The following TENM1 variants were observed in gnomAD, a reference collection of about 807,000 sequenced individuals.
TENM1 encodes the protein teneurin-1.
In TENM1, 35 loss-of-function variants were observed where a neutral mutation model predicts 174.8. That is an observed-to-expected ratio of 0.20 (90% CI 0.15 to 0.27). TENM1 has a LOEUF of 0.27. Ranked by LOEUF, TENM1 falls within the 10% of genes least tolerant of loss-of-function variation. The probability of loss-of-function intolerance (pLI) is 1.00; values close to 1 mark genes in which losing one functional copy is unlikely to be tolerated. For synonymous variants in TENM1, 781 were observed against 798.7 expected (o/e 0.98, Z 0.37); for missense variants, 1,633 against 2,130.1 (o/e 0.77, Z 4.59).
intron 23 of TENM1, among the ~76,000 whole-genome samples, chrX:124,453,064 G>A (rs1430482006): frequency 2.7e-5 from 3 of 111,177 alleles, no homozygotes; most frequent in Non-Finnish European, 5.7e-5. Flanking sequence ...AAATGAGATT[G>A]GCCTTACCCT....
At chrX:124,430,884 C>T (rs2060772094) in intron 23 of TENM1, among the ~76,000 whole-genome samples, 1 of 111,966 alleles carries the variant, frequency 8.9e-6, no homozygotes, top group Non-Finnish European at 1.9e-5. Context: ...TGTAATAGTA[C>T]TCTTGGTACA....
intron 23 of TENM1, among the ~76,000 whole-genome samples, chrX:124,440,439 A>G (rs2060890421): frequency 8.9e-6 from 1 of 111,796 alleles, no homozygotes; most frequent in South Asian, 3.8e-4. Context: ...CACTTAATCA[A>G]CAATTGGGTC....
intron 1 of TENM1, among the ~76,000 whole-genome samples, chrX:124,930,019 A>C (rs2147712125): frequency 9.1e-6 from 1 of 109,978 alleles, no homozygotes; most frequent in South Asian, 4.0e-4. Context: ...TCCCCACTTT[A>C]ATTGCTGTCA....
At chrX:124,919,914 T>C (rs756562194) in intron 1 of TENM1, among the ~76,000 whole-genome samples, 1 of 110,972 alleles carries the variant, frequency 9.0e-6, no homozygotes, top group South Asian at 3.9e-4. Context: ...ATTGTCATTA[T>C]TATTAGGGCT....
intron 3 of TENM1, among the ~76,000 whole-genome samples, chrX:124,759,250 C>T (rs2054345947): frequency 1.8e-5 from 2 of 111,509 alleles, no homozygotes; most frequent in South Asian, 7.6e-4. Flanking sequence ...GTCATCAACA[C>T]AGATTTTGCT....
At chrX:124,487,220 A>G in exon 21 of TENM1, 2 of 1,166,553 alleles carry the variant, frequency 1.7e-6, no homozygotes, top group Non-Finnish European at 2.3e-6. Context: ...TATGTCTGGT[A>G]TCTCTGTTTC....
At chrX:124,906,188 C>T in intron 1 of TENM1, among the ~76,000 whole-genome samples, 1 of 111,924 alleles carries the variant, frequency 8.9e-6, no homozygotes, top group East Asian at 2.8e-4. Flanking sequence ...AACACAGAGG[C>T]TATCTTTATA....
chrX:124,981,712 T>C, the TENM1 span, among the ~76,000 whole-genome samples: 1 of 111,204 alleles, frequency 9.0e-6, no homozygotes, highest in Non-Finnish European at 1.9e-5. Flanking sequence ...CCAGATTATC[T>C]ACTGTGAAGA....
chrX:124,895,629 A>C (rs2147576821), intron 2 of TENM1, among the ~76,000 whole-genome samples: 1 of 112,234 alleles, frequency 8.9e-6, no homozygotes, highest in South Asian at 3.7e-4. Flanking sequence ...ATATAAAGCC[A>C]AAATACATGA....
chrX:124,907,954 AACTAACTTATCTCAGTTATCAGAAAATTC>A (rs779746356), intron 1 of TENM1, among the ~76,000 whole-genome samples: 1 of 111,775 alleles, frequency 8.9e-6, no homozygotes, highest in East Asian at 2.8e-4. Flanking sequence ...GAAGTTGGAA[AACTAACTTATCTCAGTTATCAGAAAATTC>A]ACTTGCAACT....
In TENM1 at chrX:124,827,772, C is replaced by T. The variant is rs141204449; in HGVS notation, c.535+66524G>A. Reference sequence around the variant, plus strand: ...TTCCAAGAAGAGCATAGTTATAATGCCAAGTCAGAGCTTCATAGCTTTACT... The same window carrying T: ...TTCCAAGAAGAGCATAGTTATAATGTCAAGTCAGAGCTTCATAGCTTTACT... On this transcript the variant is annotated intron_variant, in intron 3 of 31. Transcript: ENST00000422452. Among the ~76,000 whole-genome samples, 411 of 111,898 alleles carry T rather than the reference C, an allele frequency of 3.7e-3. 1 individual carries two copies. The highest frequency in any genetic ancestry group is 0.012 in the African/African-American group (381 of 30,813).
the TENM1 span, among the ~76,000 whole-genome samples, chrX:125,171,318 T>G: frequency 9.0e-6 from 1 of 110,742 alleles, no homozygotes; most frequent in African/African-American, 3.3e-5. Context: ...AAGGACTTGC[T>G]TCACATAAAT....
chrX:124,712,398 G>A (rs1157061040), intron 4 of TENM1, among the ~76,000 whole-genome samples: 1 of 111,416 alleles, frequency 9.0e-6, no homozygotes, highest in African/African-American at 3.3e-5. Flanking sequence ...ATTCTCATGG[G>A]TGTGAGGTGA....
intron 3 of TENM1, among the ~76,000 whole-genome samples, chrX:124,881,415 ACT>A (rs2057299402): frequency 9.6e-6 from 1 of 103,838 alleles, no homozygotes; most frequent in Non-Finnish European, 2.0e-5. Context: ...ACTTGGGTCT[ACT>A]CTCTTTTTTT....
At position 124,801,972 on chromosome X, in the gene TENM1, C is replaced by T. The variant is rs141642864; in HGVS notation, c.536-64775G>A. Among the ~76,000 whole-genome samples the T allele has an allele frequency of 2.5e-3, 282 of 111,889 alleles. 2 individuals carry two copies. The highest frequency in any genetic ancestry group is 8.8e-3 in the African/African-American group (271 of 30,791). On this transcript the variant is annotated intron_variant, in intron 3 of 31. Transcript: ENST00000422452. ...AGAGGTTCATTGTTAGTCTGATAGG[C>T]TTCTCTTTGAAGGTGACCTGACCTT...
chrX:124,929,218 T>A (rs1352897958), intron 1 of TENM1, among the ~76,000 whole-genome samples: 1 of 111,789 alleles, frequency 8.9e-6, no homozygotes, highest in East Asian at 2.8e-4. Context: ...CTCCTTTTTC[T>A]AACATCCTAA....
At chrX:124,747,782 T>C (rs2053958884) in intron 3 of TENM1, among the ~76,000 whole-genome samples, 1 of 110,432 alleles carries the variant, frequency 9.1e-6, no homozygotes, top group African/African-American at 3.3e-5. Context: ...CCTTTCTGTG[T>C]ATTAACACTG....
At chrX:124,889,204 C>A (rs948032806) in intron 3 of TENM1, among the ~76,000 whole-genome samples, 1 of 110,921 alleles carries the variant, frequency 9.0e-6, no homozygotes, top group Non-Finnish European at 1.9e-5. Flanking sequence ...GGAATTGCTT[C>A]GAGAATCAAT....
At chrX:124,698,915 T>C (rs927825700) in intron 5 of TENM1, among the ~76,000 whole-genome samples, 1 of 111,803 alleles carries the variant, frequency 8.9e-6, no homozygotes, top group Non-Finnish European at 1.9e-5. Context: ...AAATCAGATA[T>C]TTTGTTGGTG....
Sources: allele counts gnomAD v4.1 joint callset (sites outside exome capture counted in the v4.1 genomes callset), GRCh38; gene constraint gnomAD v4.1.1; transcripts MANE v1.5; gene names NCBI Gene and HGNC (gene_info 2026-07-23, HGNC 2026-07-21).